ROBO2: variants seen among roughly 807,000 people sequenced by gnomAD.
ROBO2 encodes the protein roundabout guidance receptor 2.
Under a neutral mutation model 160.8 loss-of-function variants are expected in ROBO2, and 53 were observed. The observed-to-expected ratio is 0.33, with a 90% CI of 0.26 to 0.41. The LOEUF (loss-of-function observed/expected upper bound fraction) is 0.41. Among genes scored for constraint, ROBO2 ranks in the 10% least tolerant of loss-of-function variants. ROBO2 has a pLI of 1.00. For synonymous variants in ROBO2, 664 were observed against 611.7 expected (o/e 1.09, Z -1.26); for missense variants, 1,577 against 1,722.4 (o/e 0.92, Z 1.49).
chr3:77,633,885 T>C (rs2095216907), intron 23 of ROBO2: 2 of 152,212 alleles, frequency 1.3e-5, no homozygotes, highest in Admixed American at 1.3e-4. Context: ...GCAAGGAAAC[T>C]AATACATTAG....
chr3:77,499,603 T>G (rs927614660), intron 5 of ROBO2, among the ~76,000 whole-genome samples: 4 of 151,744 alleles, frequency 2.6e-5, no homozygotes, highest in African/African-American at 9.7e-5. Context: ...GCCATATGAT[T>G]TCCATAGAAA....
At chr3:76,181,283 G>A (rs949282642) in intron 2 of ROBO2, among the ~76,000 whole-genome samples, 1 of 152,040 alleles carries the variant, frequency 6.6e-6, no homozygotes, top group African/African-American at 2.4e-5. Context: ...AAGAAATAAA[G>A]GAGTGTTCAG....
intron 2 of ROBO2, among the ~76,000 whole-genome samples, chr3:76,364,676 T>G (rs2075711231): frequency 6.6e-6 from 1 of 152,050 alleles, no homozygotes; most frequent in Non-Finnish European, 1.5e-5. Flanking sequence ...ACATAAAACC[T>G]TTTGTTCATT....
intron 2 of ROBO2, among the ~76,000 whole-genome samples, chr3:76,751,608 A>G (rs1343509932): frequency 2.0e-5 from 3 of 152,102 alleles, no homozygotes; most frequent in Non-Finnish European, 2.9e-5. Context: ...AAATCAAACA[A>G]CCCCATCAAA....
At chr3:76,749,946 C>A (rs1000621095) in intron 2 of ROBO2, among the ~76,000 whole-genome samples, 1 of 152,018 alleles carries the variant, frequency 6.6e-6, no homozygotes, top group African/African-American at 2.4e-5. Context: ...AACTCATTTT[C>A]TGAGGCCAGC....
At chr3:77,568,903 G>A (rs987366713) in intron 13 of ROBO2, among the ~76,000 whole-genome samples, 3 of 151,930 alleles carry the variant, frequency 2.0e-5, no homozygotes, top group African/African-American at 7.2e-5. Context: ...GTACAATTGT[G>A]CAATATGTGG....
At chr3:76,178,710 C>T (rs1259539950) in intron 2 of ROBO2, among the ~76,000 whole-genome samples, 2 of 152,086 alleles carry the variant, frequency 1.3e-5, no homozygotes, top group East Asian at 1.9e-4. Flanking sequence ...TTTGGAAGGC[C>T]GAGGTGGGGG....
Position 76,090,334 on chromosome 3 carries a change from C to T in ROBO2, c.109+152732C>T, listed in dbSNP as rs990680366. Among the ~76,000 whole-genome samples, 12 of 152,000 alleles carry T rather than the reference C, an allele frequency of 7.9e-5. No individual in the cohort carries two copies. The South Asian group carries it at 1.7e-3, about 21-fold the overall frequency. On this transcript the variant is annotated intron_variant, in intron 2 of 26. Coordinates refer to the ROBO2 transcript ENST00000487694. ...GCAGGTGCCTGTAATCCCAGCTGCT[C>T]GGGAGGCTAAGGCAGGAGAATAGCT...
intron 22 of ROBO2, 194 bp downstream of exon 23, chr3:77,617,967 A>G (rs934692876): frequency 6.4e-5 from 39 of 609,362 alleles, no homozygotes; most frequent in African/African-American, 4.1e-4. Flanking sequence ...AACTAGAACT[A>G]GAACTAGAAC....
At chr3:77,589,778 T>C (rs1025954397) in intron 17 of ROBO2, among the ~76,000 whole-genome samples, 1 of 152,138 alleles carries the variant, frequency 6.6e-6, no homozygotes, top group Admixed American at 6.6e-5. Context: ...CACTTTATTT[T>C]AAATATTTTC....
At chr3:75,982,257 A>C (rs2107455473) in intron 2 of ROBO2, among the ~76,000 whole-genome samples, 1 of 151,052 alleles carries the variant, frequency 6.6e-6, no homozygotes, top group African/African-American at 2.4e-5. Flanking sequence ...TCTTTGATTT[A>C]CTCATTTTTT....
intron 2 of ROBO2, among the ~76,000 whole-genome samples, chr3:76,791,463 C>T (rs1362683543): frequency 1.3e-5 from 2 of 149,986 alleles, no homozygotes; most frequent in Non-Finnish European, 3.0e-5. Context: ...CTCTCTCTCT[C>T]TCTTTTCTCT....
chr3:76,003,709 G>T (rs1241527331), intron 2 of ROBO2, among the ~76,000 whole-genome samples: 1 of 152,188 alleles, frequency 6.6e-6, no homozygotes, highest in Non-Finnish European at 1.5e-5. Context: ...ATTTTCCAAG[G>T]TTATACAGGA....
chr3:76,173,662 T>C (rs2073123669), intron 2 of ROBO2, among the ~76,000 whole-genome samples: 1 of 152,176 alleles, frequency 6.6e-6, no homozygotes, highest in Non-Finnish European at 1.5e-5. Context: ...GGCTTCCAGC[T>C]TCATCCATGT....
intron 2 of ROBO2, among the ~76,000 whole-genome samples, chr3:77,001,910 C>T (rs1183882457): frequency 6.6e-6 from 1 of 152,030 alleles, no homozygotes; most frequent in Non-Finnish European, 1.5e-5. Context: ...TATGTGTTTC[C>T]TCACTATTCA....
chr3:75,975,900 T>C (rs889226281), intron 2 of ROBO2, among the ~76,000 whole-genome samples: 2 of 151,566 alleles, frequency 1.3e-5, no homozygotes, highest in Admixed American at 6.6e-5. Flanking sequence ...GGGCTTTTTA[T>C]TGGTTGAGCC....
At chr3:77,254,985 C>T (rs574507893) in intron 2 of ROBO2, among the ~76,000 whole-genome samples, 11 of 152,232 alleles carry the variant, frequency 7.2e-5, no homozygotes, top group East Asian at 5.8e-4. Context: ...GAGAGGGAAA[C>T]GTATTCCGAA....
intron 2 of ROBO2, among the ~76,000 whole-genome samples, chr3:77,209,647 GGAA>G (rs1480067846): frequency 5.3e-5 from 8 of 151,536 alleles, no homozygotes; most frequent in African/African-American, 1.7e-4. Context: ...TTGAGATTTA[GGAA>G]GCCTTGATCA....
chr3:77,397,426 C>T (rs551690988), intron 2 of ROBO2, among the ~76,000 whole-genome samples: 79 of 152,182 alleles, frequency 5.2e-4, no homozygotes, highest in African/African-American at 1.8e-3. Flanking sequence ...TAGAACAATC[C>T]CGTCTTCATG....
Sources: gnomAD v4.1 joint callset for allele counts (sites outside exome capture counted in the v4.1 genomes callset) on GRCh38, gnomAD v4.1.1 for gene constraint, MANE v1.5 for transcripts, NCBI Gene and HGNC (gene_info 2026-07-23, HGNC 2026-07-21) for gene names.